The following GPC6 variants were observed in gnomAD, a reference collection of about 807,000 sequenced individuals.
GPC6 encodes glypican 6, also known as glypican-6.
GPC6 carries 14 observed loss-of-function variants against 55.2 expected under a neutral mutation model. The ratio of observed to expected loss-of-function variants is 0.25; its 90% CI spans 0.17 to 0.40. The LOEUF (loss-of-function observed/expected upper bound fraction) is 0.40, where lower values mean the gene tolerates loss of function less well. Among genes scored for constraint, GPC6 ranks in the 10% least tolerant of loss-of-function variants. The pLI is 1.00. For synonymous variants in GPC6, 278 were observed against 259.6 expected, an observed-to-expected ratio of 1.07 and a Z score of -0.68; for missense variants, 641 against 708.5, an observed-to-expected ratio of 0.90 and a Z score of 1.08.
intron 2 of GPC6, among the ~76,000 whole-genome samples, chr13:93,822,855 TTTA>T (rs1019162631): frequency 2.7e-5 from 4 of 147,208 alleles, no homozygotes; most frequent in Non-Finnish European, 4.5e-5. Context: ...TTATTATTAT[TTTA>T]TTATTATTAT....
chr13:94,082,652 T>C (rs719224), intron 4 of GPC6, among the ~76,000 whole-genome samples: 29,214 of 152,174 alleles, frequency 0.19, 2,980 homozygotes, highest in South Asian at 0.23. Context: ...TCTTCTGCCC[T>C]ACTACATGCC....
At chr13:93,608,264 G>A (rs145113452) in intron 2 of GPC6, among the ~76,000 whole-genome samples, 30 of 151,616 alleles carry the variant, frequency 2.0e-4, no homozygotes, top group Non-Finnish European at 3.5e-4. Flanking sequence ...TTTATAAAAT[G>A]TGTTTCCATT....
intron 1 of GPC6, among the ~76,000 whole-genome samples, chr13:93,500,326 G>A (rs1211234351): frequency 6.6e-6 from 1 of 152,126 alleles, no homozygotes; most frequent in South Asian, 2.1e-4. Context: ...TGAAAAGAGA[G>A]TGTAGAGACC....
At chr13:93,739,602 T>C (rs1283680463) in intron 2 of GPC6, among the ~76,000 whole-genome samples, 1 of 152,020 alleles carries the variant, frequency 6.6e-6, no homozygotes, top group Non-Finnish European at 1.5e-5. Flanking sequence ...GCTAATTTTT[T>C]GTATTTCTAG....
chr13:94,248,439 C>G (rs191568977), intron 4 of GPC6, among the ~76,000 whole-genome samples: 1 of 152,098 alleles, frequency 6.6e-6, no homozygotes, highest in African/African-American at 2.4e-5. Flanking sequence ...CCTTATGTCC[C>G]TATTTCACTA....
At chr13:93,541,271 C>T (rs1280762552) in intron 1 of GPC6, among the ~76,000 whole-genome samples, 3 of 145,452 alleles carry the variant, frequency 2.1e-5, no homozygotes, top group Non-Finnish European at 3.0e-5. Flanking sequence ...TGAGAATATG[C>T]GGCATTTGGT....
intron 1 of GPC6, among the ~76,000 whole-genome samples, chr13:93,536,568 TA>T (rs1882072262): frequency 2.0e-5 from 3 of 152,328 alleles, no homozygotes; most frequent in African/African-American, 7.2e-5. Context: ...CATTGCTTTT[TA>T]TGGGGAAATA....
intron 2 of GPC6, among the ~76,000 whole-genome samples, chr13:93,655,738 G>A (rs114403094): frequency 1.1e-3 from 166 of 152,176 alleles, no homozygotes; most frequent in African/African-American, 3.8e-3. Flanking sequence ...CCTGCCACAA[G>A]TAGAATCTAA....
intron 2 of GPC6, among the ~76,000 whole-genome samples, chr13:93,691,965 C>G (rs1594376064): frequency 6.6e-6 from 1 of 152,102 alleles, no homozygotes; most frequent in Non-Finnish European, 1.5e-5. Context: ...TATCCCATTG[C>G]TGTAAAGGTT....
At chr13:93,357,926 A>G (rs16948736) in intron 1 of GPC6, among the ~76,000 whole-genome samples, 3,960 of 152,306 alleles carry the variant, frequency 0.026, 184 homozygotes, top group African/African-American at 0.09. Flanking sequence ...TGTCTTATGC[A>G]TGTGTATCTT....
chr13:93,325,669 C>T (rs35296520), intron 1 of GPC6, among the ~76,000 whole-genome samples: 61 of 152,114 alleles, frequency 4.0e-4, no homozygotes, highest in Non-Finnish European at 7.1e-4. Context: ...GACTTCACCA[C>T]TTTGCAATGT....
In GPC6 at chr13:93,573,652, A is replaced by G. The variant is rs569406189; in HGVS notation, c.319+28231A>G. Among the ~76,000 whole-genome samples, 39 of 152,260 alleles carry G rather than the reference A, an allele frequency of 2.6e-4. 1 individual carries two copies. Among genetic ancestry groups the G allele is most frequent in the Admixed American group, 1.2e-3 (19 of 15,294 alleles). On this transcript the variant is annotated intron_variant, in intron 2 of 8. Transcript: ENST00000377047. The stretch of plus-strand genomic sequence containing the variant: ...GTTAGGTACTGGGTAAGATTGAGCA[A>G]TCGAGACCTAGTTCATTAATAAATT...
intron 2 of GPC6, among the ~76,000 whole-genome samples, chr13:93,609,520 G>A (rs1878379737): frequency 6.6e-6 from 1 of 152,152 alleles, no homozygotes; most frequent in Admixed American, 6.5e-5. Context: ...TTACAGGTGT[G>A]AGCCACCGCG....
intron 3 of GPC6, among the ~76,000 whole-genome samples, chr13:93,839,593 C>T (rs1021983903): frequency 1.3e-5 from 2 of 152,144 alleles, no homozygotes; most frequent in Non-Finnish European, 2.9e-5. Context: ...CTTTGCACAG[C>T]AGTCACATCG....
At chr13:93,845,461 G>T (rs1335771538) in intron 3 of GPC6, among the ~76,000 whole-genome samples, 1 of 138,236 alleles carries the variant, frequency 7.2e-6, no homozygotes. Context: ...AATACCATTT[G>T]ACCCAGCCAT....
intron 1 of GPC6, among the ~76,000 whole-genome samples, chr13:93,241,308 A>G (rs141150010): frequency 1.3e-5 from 2 of 152,284 alleles, no homozygotes; most frequent in East Asian, 3.9e-4. Flanking sequence ...AGAGAATCCC[A>G]TATTTGTTGG....
Position 94,107,180 on chromosome 13 carries a change from G to A in GPC6, c.877+79286G>A, listed in dbSNP as rs183632006. ...ACTGGGGAACGGAGGGACTGAAGAA[G>A]TGAAAATATTGCAGAGGGCAAATAG... is the stretch of plus-strand genomic sequence containing the variant. On this transcript the variant is annotated intron_variant, in intron 4 of 8. Coordinates refer to ENST00000377047, the MANE Select transcript of GPC6 (RefSeq NM_005708.5). 1.8e-3 allele frequency among the ~76,000 whole-genome samples: 277 copies of A among 152,306 alleles called. 2 individuals are homozygous for A. The highest frequency in any genetic ancestry group is 5.7e-3 in the African/African-American group (235 of 41,562).
chr13:94,025,860 CTATTT>C (rs1361688658), intron 3 of GPC6, among the ~76,000 whole-genome samples: 3 of 151,934 alleles, frequency 2.0e-5, no homozygotes, highest in Non-Finnish European at 4.4e-5. Flanking sequence ...CATGTTGATT[CTATTT>C]TATTCAAGCC....
At chr13:94,148,759 T>C (rs1038671089) in intron 4 of GPC6, among the ~76,000 whole-genome samples, 1 of 152,132 alleles carries the variant, frequency 6.6e-6, no homozygotes, top group South Asian at 2.1e-4. Flanking sequence ...GTGGGAAGGA[T>C]AGAGGAGAGG....
Sources: allele counts gnomAD v4.1 joint callset (sites outside exome capture counted in the v4.1 genomes callset), GRCh38; gene constraint gnomAD v4.1.1; transcripts MANE v1.5; gene names NCBI Gene and HGNC (gene_info 2026-07-23, HGNC 2026-07-21).